SEMA3G: variants seen among roughly 807,000 people sequenced by gnomAD.
The protein encoded by SEMA3G is semaphorin-3G.
A neutral mutation model predicts 86.2 loss-of-function variants in SEMA3G; 70 were observed. That is an observed-to-expected ratio of 0.81 (90% CI 0.67 to 0.99). SEMA3G has a LOEUF of 0.99. Ranked by LOEUF, SEMA3G falls within the 50% of genes least tolerant of loss-of-function variation. The pLI is 0.00. For synonymous variants in SEMA3G, 416 were observed against 441.4 expected (o/e 0.94, Z 0.72); for missense variants, 1,002 against 1,072.4 (o/e 0.93, Z 0.92).
chr3:52,437,975 C>T lies in SEMA3G; in HGVS notation c.1734G>A (p.Gln578=), dbSNP rs1423463746. 6.2e-7 allele frequency: 1 copy of T among 1,611,892 alleles called. No individual in the cohort carries two copies. Among genetic ancestry groups the T allele is most frequent in the Non-Finnish European group, 8.5e-7 (1 of 1,179,726 alleles). ...NPALQCLGQS[Q]EEEAVGLVAA... ...CTCCCACCTGCCACCACTCACCTTCCTGGCTCTGGCCCAGGCACTGCAGGG... is the reference window on the plus strand; with the variant it reads ...CTCCCACCTGCCACCACTCACCTTCTTGGCTCTGGCCCAGGCACTGCAGGG... Residue 578 remains glutamine, a synonymous_variant, in exon 14 of 16, where the codon CAG becomes CAA. Coordinates refer to ENST00000231721, the MANE Select transcript of SEMA3G (RefSeq NM_020163.3).
intron 13 of SEMA3G, 80 bp from the exon 14 acceptor site, chr3:52,438,279 C>T: frequency 1.4e-6 from 2 of 1,448,600 alleles, no homozygotes; most frequent in South Asian, 1.2e-5. Flanking sequence ...CCTCAGCTTC[C>T]TGAGACCCCT....
chr3:52,433,717 G>A lies in SEMA3G; in HGVS notation c.*1886C>T, dbSNP rs1380155232. 6.6e-6 allele frequency: 1 copy of A among 152,656 alleles called. No homozygotes were observed. The highest frequency in any genetic ancestry group is 1.5e-5 in the Non-Finnish European group (1 of 68,062). The allele number at this position is 152,656 out of a possible 1,614,324, so 9.5% of individuals were successfully genotyped here. ...CGTAAAGGCCCGGAGGGCTGTTTGT[G>A]TCTTTCTGGCCTCCCTAGGGTAGAG... On this transcript the variant is annotated 3_prime_UTR_variant, in exon 16 of 16. Coordinates refer to ENST00000231721, the MANE Select transcript of SEMA3G (RefSeq NM_020163.3).
chr3:52,445,022 G>A lies in SEMA3G; in HGVS notation c.6C>T (p.Ala2=). Residue 2 remains alanine (A), a synonymous_variant, in exon 1 of 16, where the codon GCC becomes GCT. Coordinates refer to ENST00000231721, the MANE Select transcript of SEMA3G (RefSeq NM_020163.3). ...GCCAGCAAATGGCCCAGGCCGAGGG[G>A]GCCATGCTGGGGAACTGAGGGCACC... M[A]PSAWAICWLL... is the part of the protein sequence containing the mutation. 2.3e-6 allele frequency: 3 copies of A among 1,278,074 alleles called. No individual in the cohort carries two copies. Among genetic ancestry groups the A allele is most frequent in the Admixed American group, 4.2e-5 (1 of 23,874 alleles). 79.2% of individuals were successfully genotyped at this position (1,278,074 alleles called of 1,614,324 possible).
chr3:52,442,077 TC>T lies in SEMA3G; in HGVS notation c.459+107del. On this transcript the variant is annotated intron_variant, in intron 4 of 15. Transcript: ENST00000231721. The surrounding 1 kb of genome is among the most constrained non-coding windows in gnomAD (Gnocchi z 6.1). ...CAGCTCCCCAACACAAAGGCGCCTT[TC>T]AGGCCCCTGCCCCTCTGTCCCTACC... 6.9e-7 allele frequency: 1 copy of T among 1,454,094 alleles called. No individual in the cohort carries two copies. Among genetic ancestry groups the T allele is most frequent in the Non-Finnish European group, 9.2e-7 (1 of 1,082,942 alleles). 90.1% of individuals were successfully genotyped at this position (1,454,094 alleles called of 1,614,324 possible).
At chr3:52,443,195 T>C (rs1205604760) in intron 1 of SEMA3G, 3 of 581,334 alleles carry the variant, frequency 5.2e-6, no homozygotes, top group African/African-American at 3.7e-5. Context: ...CTGTCCCATC[T>C]GTGCCCTACC....
In SEMA3G at chr3:52,441,572, A is replaced by G. The variant is rs113336077; in HGVS notation, c.667+2T>C. The G allele has an allele frequency of 1.4e-5, 22 of 1,612,104 alleles. No individual in the cohort carries two copies. The highest frequency in any genetic ancestry group is 1.9e-5 in the Non-Finnish European group (22 of 1,178,792). On this transcript the variant is annotated splice_donor_variant, in intron 6 of 15. Coordinates refer to ENST00000231721, the MANE Select transcript of SEMA3G (RefSeq NM_020163.3). LOFTEE classifies it high-confidence loss of function. The stretch of plus-strand genomic sequence containing the variant: ...CCTGCCAGTTCCAGGGGCAGGCCTC[A>G]CCGTGCAAGAGACTCTGGTCAGAGT...
chr3:52,442,481 T>G lies in SEMA3G; in HGVS notation c.339+78A>C. Reference sequence around the variant, plus strand: ...TCCAAATGCCCCTGGTAGAGGTACCTGGGGCGTGGTCACGGATTGTCCTGG... The same window carrying G: ...TCCAAATGCCCCTGGTAGAGGTACCGGGGGCGTGGTCACGGATTGTCCTGG... On this transcript the variant is annotated intron_variant, in intron 3 of 15. Coordinates refer to ENST00000231721, the MANE Select transcript of SEMA3G (RefSeq NM_020163.3). The surrounding 1 kb of genome is among the most constrained non-coding windows in gnomAD (Gnocchi z 6.1). 6.6e-6 allele frequency: 10 copies of G among 1,508,994 alleles called. No individual in the cohort carries two copies. Among genetic ancestry groups the G allele is most frequent in the Non-Finnish European group, 8.3e-6 (9 of 1,086,092 alleles). 93.5% of individuals were successfully genotyped at this position (1,508,994 alleles called of 1,614,324 possible). A position where few individuals can be genotyped will look rare whatever the true frequency, so the allele number is the denominator to read the frequency against.
chr3:52,441,114 T>A, intron 7 of SEMA3G, 66 bp from the exon 8 acceptor site: 2 of 1,466,182 alleles, frequency 1.4e-6, no homozygotes, highest in Non-Finnish European at 1.9e-6. Flanking sequence ...TCCACTCTTC[T>A]ACCCTCACCC....
Position 52,444,895 on chromosome 3 carries a change from G to T in SEMA3G, c.115+18C>A. 7.7e-7 allele frequency: 1 copy of T among 1,302,156 alleles called. No homozygotes were observed. 80.7% of individuals were successfully genotyped at this position (1,302,156 alleles called of 1,614,324 possible). A position where few individuals can be genotyped will look rare whatever the true frequency, so the allele number is the denominator to read the frequency against. ...AACAGGGCACATGCACACAAACAGG[G>T]CACGCAGGGGCTGGTACCTCGGTAG... On this transcript the variant is annotated intron_variant, in intron 1 of 15. Coordinates refer to ENST00000231721, the MANE Select transcript of SEMA3G (RefSeq NM_020163.3).
Position 52,440,915 on chromosome 3 carries a change from T to G in SEMA3G, c.928+19A>C, listed in dbSNP as rs754277606. On this transcript the variant is annotated intron_variant, in intron 8 of 15. Coordinates refer to ENST00000231721, the MANE Select transcript of SEMA3G (RefSeq NM_020163.3). ...CCTCCCCACTCCCGAGCCCTAGGCC[T>G]GCTTGGCCAGGCCCTCACCTAGCTG... 5.6e-6 allele frequency: 9 copies of G among 1,601,320 alleles called. No individual in the cohort carries two copies. The highest frequency in any genetic ancestry group is 1.7e-4 in the Middle Eastern group (1 of 6,034).
rs1274365930 is a variant in SEMA3G, at chr3:52,435,650, C to T, written c.2302G>A (p.Val768Met). ...LELGKKMKSR[V>M]HAEHNRTPRE... ...GGCGTCCGATTGTGCTCGGCATGCA[C>T]CCGGCTCTTCATCTTCTTGCCTAGC... Residue 768 changes from valine to methionine, a missense_variant, in exon 16 of 16, where the codon GTG becomes ATG. Physicochemically the swap from Val to Met is conservative, Grantham distance 21. Coordinates refer to ENST00000231721, the MANE Select transcript of SEMA3G (RefSeq NM_020163.3). The T allele has an allele frequency of 6.2e-7, 1 of 1,613,986 alleles. No individual in the cohort carries two copies. Among genetic ancestry groups the T allele is most frequent in the Non-Finnish European group, 8.5e-7 (1 of 1,179,990 alleles).
At position 52,439,850 on chromosome 3, in the gene SEMA3G, T is replaced by G; in HGVS notation, c.1375+17A>C. 6.2e-7 allele frequency: 1 copy of G among 1,611,886 alleles called. No homozygotes were observed. The highest frequency in any genetic ancestry group is 8.5e-7 in the Non-Finnish European group (1 of 1,178,398). On this transcript the variant is annotated intron_variant, in intron 11 of 15. Transcript: ENST00000231721. ...ACACCCCTCTCCAGCCTGGCCACCC[T>G]GGCTCAGCTGTCCTACCAGTCCCCA...
At chr3:52,440,193 C>G in intron 10 of SEMA3G, 95 bp from the exon 11 acceptor site, 1 of 1,241,072 alleles carries the variant, frequency 8.1e-7, no homozygotes, top group South Asian at 1.5e-5. Flanking sequence ...GGGGACCTCT[C>G]TCACTGCAGG....
chr3:52,438,040 G>T lies in SEMA3G; in HGVS notation c.1669C>A (p.Arg557Ser). The stretch of plus-strand genomic sequence containing the variant: ...CGGATGTCCTGCCGGCGGAACCGGC[G>T]CTTGCCAAGGCTGGGGCGGTAGTGG... The part of the protein sequence containing the change: ...CTHYRPSLGK[R>S]RFRRQDIRHG... Residue 557 changes from arginine (R) to serine (S), a missense_variant, in exon 14 of 16, where the codon CGC becomes AGC. Transcript: ENST00000231721. 1 of 1,613,144 alleles carries T rather than the reference G, an allele frequency of 6.2e-7. No homozygotes were observed. Among genetic ancestry groups the T allele is most frequent in the Non-Finnish European group, 8.5e-7 (1 of 1,179,996 alleles).
At position 52,435,721 on chromosome 3, in the gene SEMA3G, C is replaced by T. The variant is rs369694713; in HGVS notation, c.2231G>A (p.Arg744Gln). The change falls in exon 16 of 16, where the codon CGG becomes CAG. Residue 744 changes from arginine to glutamine, a missense_variant. Coordinates refer to ENST00000231721, the MANE Select transcript of SEMA3G (RefSeq NM_020163.3). ...TTECSGCFRS[R>Q]SRGKQARGKS... ...GCCCCTGGCCTGCTTGCCCCGGCTC[C>T]GGCTCCGGAAGCAGCCTGAGCATTC... 36 of 1,613,978 alleles carry T rather than the reference C, an allele frequency of 2.2e-5. 1 individual carries two copies. Among genetic ancestry groups the T allele is most frequent in the Middle Eastern group, 3.3e-4 (2 of 6,084 alleles).
chr3:52,440,486 T>C lies in SEMA3G; in HGVS notation c.1034A>G (p.His345Arg), dbSNP rs1319866541. The C allele has an allele frequency of 6.2e-7, 1 of 1,611,852 alleles. No individual in the cohort carries two copies. Among genetic ancestry groups the C allele is most frequent in the Non-Finnish European group, 8.5e-7 (1 of 1,179,580 alleles). The change falls in exon 10 of 16, where the codon CAC becomes CGC. Residue 345 changes from histidine (H) to arginine (R), a missense_variant. Coordinates refer to ENST00000231721, the MANE Select transcript of SEMA3G (RefSeq NM_020163.3). Reference protein sequence around the residue: ...VFQGFAVCVYHMADIWEVFNG... With the variant: ...VFQGFAVCVYRMADIWEVFNG... ...GAAAACCTCCCAGATGTCTGCCATG[T>C]GGTACACACAGACGGCGAAGCCCTG...
intron 13 of SEMA3G, chr3:52,438,579 G>A (rs1706090780): frequency 1.0e-6 from 1 of 985,374 alleles, no homozygotes; most frequent in South Asian, 4.7e-5. Context: ...CACTGGAGCA[G>A]ATAAATATGG....
At position 52,435,871 on chromosome 3, in the gene SEMA3G, G is replaced by A; in HGVS notation, c.2081C>T (p.Ala694Val). The stretch of plus-strand genomic sequence containing the variant: ...TGGGGTGGAAGCCAGGCCTCCCCGG[G>A]CTGGGGGCTCCTCTGGCTTTGGCTC... Reference protein sequence around the residue: ...PPEPKPEEPPARGGLASTPPK... With the variant: ...PPEPKPEEPPVRGGLASTPPK... The change falls in exon 16 of 16, where the codon GCC (alanine) becomes GTC (valine). Residue 694 changes from alanine to valine, a missense_variant. Ala to Val is a moderately conservative substitution (Grantham distance 64). Coordinates refer to ENST00000231721, the MANE Select transcript of SEMA3G (RefSeq NM_020163.3). 1 of 1,614,098 alleles carries A rather than the reference G, an allele frequency of 6.2e-7. No homozygotes were observed. Among genetic ancestry groups the A allele is most frequent in the African/African-American group, 1.3e-5 (1 of 75,058 alleles).
chr3:52,442,746 C>T lies in SEMA3G; in HGVS notation c.276+1G>A. 6.2e-7 allele frequency: 1 copy of T among 1,613,804 alleles called. No homozygotes were observed. Among genetic ancestry groups the T allele is most frequent in the South Asian group, 1.1e-5 (1 of 91,036 alleles). On this transcript the variant is annotated splice_donor_variant, in intron 2 of 15. Coordinates refer to ENST00000231721, the MANE Select transcript of SEMA3G (RefSeq NM_020163.3). LOFTEE classifies it high-confidence loss of function. This position sits in a 1 kb window ranked among gnomAD's most constrained non-coding sequence, Gnocchi z 6.1. ...CCCTCTTCCCTGCCAGTCCAGCTCA[C>T]CTCCCGGGGATCTGGCCATGCCTGG...
Sources: gnomAD v4.1 joint callset for allele counts on GRCh38, gnomAD v4.1.1 for gene constraint, Gnocchi (gnomAD v3.1) non-coding constraint, MANE v1.5 for transcripts, NCBI Gene and HGNC (gene_info 2026-07-23, HGNC 2026-07-21) for gene names.